Variants in SYNPR observed in about 807,000 individuals in gnomAD.
The protein encoded by SYNPR is synaptoporin.
A neutral mutation model predicts 32.9 loss-of-function variants in SYNPR; 23 were observed. That is an observed-to-expected ratio of 0.70 (90% CI 0.50 to 0.99). SYNPR has a LOEUF of 0.99. Ranked by LOEUF, SYNPR falls within the 50% of genes least tolerant of loss-of-function variation. The probability of loss-of-function intolerance (pLI) is 0.00; values close to 1 mark genes in which losing one functional copy is unlikely to be tolerated. For synonymous variants in SYNPR, 146 were observed against 135.9 expected, an observed-to-expected ratio of 1.07 and a Z score of -0.52; for missense variants, 318 against 349.3, an observed-to-expected ratio of 0.91 and a Z score of 0.71.
At chr3:63,514,178 A>G (rs557650438) in intron 3 of SYNPR, among the ~76,000 whole-genome samples, 1 of 152,284 alleles carries the variant, frequency 6.6e-6, no homozygotes, top group East Asian at 1.9e-4. Context: ...GGTGCATTAG[A>G]CTTTTTCTCA....
rs1460364575 is a variant in SYNPR at position 63,476,250 on chromosome 3, AGAGAAGAAGGAAGGAAGGAAGGGAGGG to A, written c.85-4581_85-4555del. 2.3e-3 allele frequency among the ~76,000 whole-genome samples: 198 copies of A among 87,104 alleles called. 13 individuals are homozygous for A. The highest frequency in any genetic ancestry group is 6.2e-3 in the Middle Eastern group (1 of 162). The allele number at this position is 87,104 out of a possible 152,430, so 57.1% of individuals were successfully genotyped here. On this transcript the variant is annotated intron_variant, in intron 2 of 5. Coordinates refer to ENST00000478300, the MANE Select transcript of SYNPR (RefSeq NM_001130003.2). ...AGGGAAGGAAGGAAGGAAAGGAGGG[AGAGAAGAAGGAAGGAAGGAAGGGAGGG>A]AGGGAAGGAAGGGAAGGGAGGGAAG... is the stretch of plus-strand genomic sequence containing the variant.
At chr3:63,203,068 G>GTATATATA in the SYNPR span, 105 of 108,520 alleles carry the variant, frequency 9.7e-4, 1 homozygote, top group Non-Finnish European at 1.4e-3. Context: ...ATATGTATGT[G>GTATATATA]TATATATATA....
In SYNPR at chr3:63,265,260, T is replaced by G. The variant is rs1217752073; in HGVS notation, n.155-2057T>G. On this transcript the variant is annotated intron_variant and non_coding_transcript_variant, in intron 2 of 4. Coordinates refer to the SYNPR transcript ENST00000478456. ...GACATTCTTTTTTTTTTTTTTTTTT[T>G]TTTTTTTCTGAGATGGAGTCTCAAT... 4.6e-5 allele frequency among the ~76,000 whole-genome samples: 4 copies of G among 86,866 alleles called. 1 individual carries two copies. Among genetic ancestry groups the G allele is most frequent in the Non-Finnish European group, 1.0e-4 (4 of 38,342 alleles). 57.0% of individuals were successfully genotyped at this position (86,866 alleles called of 152,430 possible). A position where few individuals can be genotyped will look rare whatever the true frequency, so the allele number is the denominator to read the frequency against.
Position 63,316,997 on chromosome 3 carries a change from T to C in SYNPR, c.84+38255T>C, listed in dbSNP as rs185662197. 5.8e-4 allele frequency among the ~76,000 whole-genome samples: 88 copies of C among 152,148 alleles called. 1 individual carries two copies. In the East Asian group the frequency reaches 0.014, roughly 24 times the overall value. On this transcript the variant is annotated intron_variant, in intron 2 of 5. Coordinates refer to ENST00000478300, the MANE Select transcript of SYNPR (RefSeq NM_001130003.2). The stretch of plus-strand genomic sequence containing the variant: ...CTTGATTTCATTTTTGACCCAGTGC[T>C]CATTCAGGAGCAGGTTATTTAATTT...
intron 2 of SYNPR, among the ~76,000 whole-genome samples, chr3:63,261,651 G>A (rs1235961296): frequency 2.0e-5 from 3 of 148,118 alleles, no homozygotes; most frequent in East Asian, 4.0e-4. Context: ...CACCAGCATG[G>A]CACATGTATA....
At chr3:63,562,645 G>A (rs62250771) in intron 4 of SYNPR, among the ~76,000 whole-genome samples, 12,596 of 152,172 alleles carry the variant, frequency 0.083, 520 homozygotes, top group African/African-American at 0.11. Flanking sequence ...TGGGAGAGAC[G>A]TAGTGCAATG....
intron 2 of SYNPR, among the ~76,000 whole-genome samples, chr3:63,412,097 A>C (rs541916778): frequency 6.6e-6 from 1 of 152,226 alleles, no homozygotes; most frequent in Admixed American, 6.6e-5. Flanking sequence ...AATCAATGGA[A>C]CTTCACAATA....
chr3:63,540,674 C>T (rs554545378), intron 3 of SYNPR, among the ~76,000 whole-genome samples: 12 of 152,062 alleles, frequency 7.9e-5, no homozygotes, highest in Admixed American at 7.2e-4. Flanking sequence ...AAGGCATATA[C>T]AATATTGTGT....
At chr3:63,383,542 C>A (rs1389658507) in intron 2 of SYNPR, among the ~76,000 whole-genome samples, 3 of 152,126 alleles carry the variant, frequency 2.0e-5, no homozygotes, top group East Asian at 1.9e-4. Flanking sequence ...CACAGTGAAA[C>A]CCCATTTCTG....
chr3:63,475,806 A>C (rs543052542), intron 2 of SYNPR, among the ~76,000 whole-genome samples: 1 of 152,170 alleles, frequency 6.6e-6, no homozygotes, highest in East Asian at 1.9e-4. Context: ...TATATAACAG[A>C]AAGTTATTCT....
the SYNPR span, among the ~76,000 whole-genome samples, chr3:63,209,485 T>C: frequency 6.6e-6 from 1 of 152,160 alleles, no homozygotes; most frequent in African/African-American, 2.4e-5. Flanking sequence ...GGGGGGTTAA[T>C]TTAAACAACA....
chr3:63,554,727 GT>G (rs34793289), intron 3 of SYNPR, among the ~76,000 whole-genome samples: 78 of 149,790 alleles, frequency 5.2e-4, no homozygotes, highest in African/African-American at 1.5e-3. Flanking sequence ...TTTTAGAATA[GT>G]TTTTTTTTTA....
Position 63,334,058 on chromosome 3 carries a change from G to A in SYNPR, c.84+55316G>A, listed in dbSNP as rs1256456862. On this transcript the variant is annotated intron_variant, in intron 2 of 5. Transcript: ENST00000478300. ...TGATTAATATTTTTTAGAATAATCT[G>A]TGCTATTTCAGTCAAGTACCATAAA... is the stretch of plus-strand genomic sequence containing the variant. 2.6e-5 allele frequency among the ~76,000 whole-genome samples: 4 copies of A among 152,148 alleles called. 1 individual carries two copies. The highest frequency in any genetic ancestry group is 2.0e-4 in the Admixed American group (3 of 15,278).
chr3:63,301,081 C>T lies in SYNPR; in HGVS notation c.84+22339C>T, dbSNP rs555431813. ...AAATTCAGGCTTGAATCTTTCTTCC[C>T]CTACTTTTGAGTCATGTCATCTTAC... On this transcript the variant is annotated intron_variant, in intron 2 of 5. Coordinates refer to ENST00000478300, the MANE Select transcript of SYNPR (RefSeq NM_001130003.2). 1.3e-4 allele frequency among the ~76,000 whole-genome samples: 20 copies of T among 152,154 alleles called. 1 individual carries two copies. In the South Asian group the frequency reaches 2.1e-3, roughly 16 times the overall value.
At chr3:63,388,327 A>G (rs983162729) in intron 2 of SYNPR, among the ~76,000 whole-genome samples, 3 of 149,652 alleles carry the variant, frequency 2.0e-5, no homozygotes, top group Non-Finnish European at 4.4e-5. Context: ...CCTGTGAATT[A>G]TAAACTGGAC....
intron 1 of SYNPR, among the ~76,000 whole-genome samples, chr3:63,238,914 G>C (rs547642801): frequency 6.6e-6 from 1 of 152,102 alleles, no homozygotes; most frequent in East Asian, 1.9e-4. Flanking sequence ...TTCTAAAATT[G>C]TCATTGCTGT....
intron 3 of SYNPR, among the ~76,000 whole-genome samples, chr3:63,537,681 T>C (rs552758811): frequency 1.3e-5 from 2 of 152,292 alleles, no homozygotes; most frequent in South Asian, 2.1e-4. Context: ...TCAGGATATA[T>C]TCTAATCACA....
At chr3:63,447,319 CA>C (rs1053621114) in intron 2 of SYNPR, among the ~76,000 whole-genome samples, 18 of 152,226 alleles carry the variant, frequency 1.2e-4, no homozygotes, top group African/African-American at 4.3e-4. Context: ...GACTAAATTC[CA>C]AATCAATAGT....
At chr3:63,553,950 A>G (rs1379813588) in intron 3 of SYNPR, among the ~76,000 whole-genome samples, 1 of 152,022 alleles carries the variant, frequency 6.6e-6, no homozygotes, top group Non-Finnish European at 1.5e-5. Flanking sequence ...CGATCTCCCA[A>G]CCTCAGGTGA....
Sources: allele counts gnomAD v4.1 joint callset (sites outside exome capture counted in the v4.1 genomes callset), GRCh38; gene constraint gnomAD v4.1.1; transcripts MANE v1.5; gene names NCBI Gene and HGNC (gene_info 2026-07-23, HGNC 2026-07-21).